MVP: variants seen among roughly 807,000 people sequenced by gnomAD.
MVP encodes the protein major vault protein, also known as lung resistance-related protein.
Under a neutral mutation model 83.5 loss-of-function variants are expected in MVP, and 62 were observed. That is an observed-to-expected ratio of 0.74 (90% confidence interval 0.61 to 0.92). The LOEUF (loss-of-function observed/expected upper bound fraction) is 0.92. MVP is among the 40% of genes least tolerant of loss of function. The pLI, the probability that MVP is intolerant of heterozygous loss-of-function variation, is 0.00. For synonymous variants in MVP, 505 were observed against 504.1 expected (o/e 1.00, Z -0.02); for missense variants, 1,000 against 1,203.4 (o/e 0.83, Z 2.50).
At chr16:29,836,991 C>T in intron 7 of MVP, 33 bp downstream of exon 7, 1 of 1,571,406 alleles carries the variant, frequency 6.4e-7, no homozygotes, top group Non-Finnish European at 8.7e-7. Context: ...GAGGACTGCC[C>T]TGGGAGATGT....
chr16:29,839,161 C>A (rs956007126), intron 7 of MVP, among the ~76,000 whole-genome samples: 2 of 152,160 alleles, frequency 1.3e-5, no homozygotes, highest in African/African-American at 4.8e-5. Context: ...GCACTCCAGC[C>A]TGGGCTGCTG....
At position 29,841,070 on chromosome 16, in the gene MVP, A is replaced by G. The variant is rs2067530697; in HGVS notation, c.1192-526A>G. On this transcript the variant is annotated intron_variant, in intron 8 of 14. Coordinates refer to ENST00000357402, the MANE Select transcript of MVP (RefSeq NM_005115.5). This position sits in a 1 kb window ranked among gnomAD's most constrained non-coding sequence, Gnocchi z 4.7. ...GGGAACAGGAAGGACCTCCTCCCTC[A>G]TGCCCATATCCCGGTGGAATCTTTC... is the stretch of plus-strand genomic sequence containing the variant. 1.3e-5 allele frequency among the ~76,000 whole-genome samples: 2 copies of G among 152,142 alleles called. No individual in the cohort carries two copies. Among genetic ancestry groups the G allele is most frequent in the East Asian group, 3.9e-4 (2 of 5,170 alleles).
intron 3 of MVP, chr16:29,833,422 G>C (rs1452270027): frequency 3.6e-6 from 1 of 275,530 alleles, no homozygotes; most frequent in Non-Finnish European, 7.0e-6. Flanking sequence ...TCAGCCTCCC[G>C]AGTAGCTGGG....
intron 1 of MVP, among the ~76,000 whole-genome samples, chr16:29,827,216 T>C (rs946717470): frequency 6.6e-6 from 1 of 151,968 alleles, no homozygotes; most frequent in African/African-American, 2.4e-5. Context: ...TGAGCAAAAA[T>C]GAGCAACAGA....
In MVP at chr16:29,842,012, C is replaced by T. The variant is rs140949055; in HGVS notation, c.1534C>T (p.Arg512Cys). Residue 512 changes from arginine to cysteine, a missense_variant, in exon 10 of 15, where the codon CGT (arginine) becomes TGT (cysteine). By Grantham distance (180) the Arg-to-Cys change is radical. Transcript: ENST00000357402. ...AGRPKRPHAR[R>C]ALCLLLGPDF... ...GCGGCCCAAGCGTCCCCATGCCCGC[C>T]GTGCGCTCTGCCTGCTGCTGGGGCC... 2.5e-5 allele frequency: 41 copies of T among 1,611,872 alleles called. No homozygotes were observed. Among genetic ancestry groups the T allele is most frequent in the African/African-American group, 2.5e-4 (19 of 75,040 alleles).
chr16:29,833,859 A>G lies in MVP; in HGVS notation c.445+3A>G, dbSNP rs751186139. On this transcript the variant is annotated splice_donor_region_variant and intron_variant, in intron 4 of 14. Transcript: ENST00000357402. Reference sequence around the variant, plus strand: ...TGAGTGGCTTTTCGAGGGACCTGGTAAGTTCTGTCTCCATAGGGCTCCCTG... The same window carrying G: ...TGAGTGGCTTTTCGAGGGACCTGGTGAGTTCTGTCTCCATAGGGCTCCCTG... 6.2e-7 allele frequency: 1 copy of G among 1,613,914 alleles called. No individual in the cohort carries two copies. Among genetic ancestry groups the G allele is most frequent in the Admixed American group, 1.7e-5 (1 of 59,982 alleles).
intron 1 of MVP, 55 bp from the exon 2 acceptor site, chr16:29,830,460 C>T (rs2067432514): frequency 2.0e-6 from 3 of 1,493,880 alleles, no homozygotes; most frequent in Non-Finnish European, 2.7e-6. Flanking sequence ...AGATTCATGC[C>T]TGCCCCACCC....
chr16:29,826,909 G>C (rs2067408472), intron 1 of MVP, among the ~76,000 whole-genome samples: 1 of 147,186 alleles, frequency 6.8e-6, no homozygotes, highest in African/African-American at 2.5e-5. Context: ...CCTGGCGACA[G>C]AGTGAGAGTC....
chr16:29,842,202 TC>T, intron 10 of MVP, 90 bp downstream of exon 10: 1 of 1,358,106 alleles, frequency 7.4e-7, no homozygotes, highest in Non-Finnish European at 1.0e-6. Flanking sequence ...GCCTAGGAGG[TC>T]CAGGCTGCAG....
In MVP at chr16:29,846,287, G is replaced by T; in HGVS notation, c.2265+3G>T. 1 of 1,555,862 alleles carries T rather than the reference G, an allele frequency of 6.4e-7. No individual in the cohort carries two copies. The highest frequency in any genetic ancestry group is 8.7e-7 in the Non-Finnish European group (1 of 1,149,160). On this transcript the variant is annotated splice_donor_region_variant and intron_variant, in intron 13 of 14. Coordinates refer to ENST00000357402, the MANE Select transcript of MVP (RefSeq NM_005115.5). ...CACAGGCCTTGGCCATTGAAACGGTGAGTGGGGGGAGGCATTAAGAAGAGG... is the reference window on the plus strand; with the variant it reads ...CACAGGCCTTGGCCATTGAAACGGTTAGTGGGGGGAGGCATTAAGAAGAGG...
At chr16:29,842,536 C>T (rs1261345894) in intron 10 of MVP, among the ~76,000 whole-genome samples, 2 of 152,106 alleles carry the variant, frequency 1.3e-5, no homozygotes, top group Admixed American at 1.3e-4. Context: ...AACTCCTGAC[C>T]TCAGGTGATC....
intron 1 of MVP, among the ~76,000 whole-genome samples, chr16:29,827,423 G>A (rs1183768104): frequency 6.6e-6 from 1 of 152,126 alleles, no homozygotes; most frequent in Non-Finnish European, 1.5e-5. Context: ...GGGCAGTCTG[G>A]GTTGGAATGG....
chr16:29,843,500 CGGAGGAAGGGAGGAAG>C lies in MVP; in HGVS notation c.1635-955_1635-940del, dbSNP rs1183954984. Among the ~76,000 whole-genome samples, 165 of 47,374 alleles carry C rather than the reference CGGAGGAAGGGAGGAAG, an allele frequency of 3.5e-3. 2 individuals carry two copies. Among genetic ancestry groups the C allele is most frequent in the South Asian group, 9.4e-3 (11 of 1,168 alleles). The allele number at this position is 47,374 out of a possible 152,430, so 31.1% of individuals were successfully genotyped here. A position where few individuals can be genotyped will look rare whatever the true frequency, so the allele number is the denominator to read the frequency against. On this transcript the variant is annotated intron_variant, in intron 10 of 14. Transcript: ENST00000357402. ...ACAGAGACCCACAGAGACCCTGTCT[CGGAGGAAGGGAGGAAG>C]GGAGGAAGGGAGGAAGGGAGGAAGG...
intron 1 of MVP, among the ~76,000 whole-genome samples, chr16:29,823,127 T>C (rs1402893959): frequency 3.5e-4 from 45 of 126,766 alleles, no homozygotes; most frequent in East Asian, 1.0e-3. Context: ...CTTTTCTTTT[T>C]TTTTTTTTTT....
rs1047144166 is a variant in MVP at position 29,841,044 on chromosome 16, A to G, written c.1192-552A>G. 2.6e-5 allele frequency among the ~76,000 whole-genome samples: 4 copies of G among 151,964 alleles called. No homozygotes were observed. The highest frequency in any genetic ancestry group is 9.7e-5 in the African/African-American group (4 of 41,374). ...AGCATAAAGGTCTGATGGGGTGGCC[A>G]GGGAACAGGAAGGACCTCCTCCCTC... On this transcript the variant is annotated intron_variant, in intron 8 of 14. Transcript: ENST00000357402. This position sits in a 1 kb window ranked among gnomAD's most constrained non-coding sequence, Gnocchi z 4.7.
At chr16:29,822,219 G>A (rs1162757506) in intron 1 of MVP, among the ~76,000 whole-genome samples, 4 of 151,850 alleles carry the variant, frequency 2.6e-5, no homozygotes, top group Admixed American at 2.0e-4. Context: ...CTTGCCTCTG[G>A]TGACTGGTGT....
At chr16:29,830,304 T>C (rs2067431473) in intron 1 of MVP, 2 of 416,116 alleles carry the variant, frequency 4.8e-6, no homozygotes, top group Admixed American at 7.9e-5. Flanking sequence ...CATCAAGCAG[T>C]TCTTGGCAAA....
At chr16:29,838,763 T>C (rs1483982441) in intron 7 of MVP, among the ~76,000 whole-genome samples, 1 of 151,930 alleles carries the variant, frequency 6.6e-6, no homozygotes, top group East Asian at 1.9e-4. Context: ...GGAAGTGGAG[T>C]GTATAGTGAG....
intron 1 of MVP, among the ~76,000 whole-genome samples, chr16:29,823,294 A>G (rs943564075): frequency 6.7e-6 from 1 of 150,090 alleles, no homozygotes; most frequent in Non-Finnish European, 1.5e-5. Context: ...CCTAGCTAAT[A>G]TTTTTTATGG....
Sources: gnomAD v4.1 joint callset for allele counts (sites outside exome capture counted in the v4.1 genomes callset) on GRCh38, gnomAD v4.1.1 for gene constraint, Gnocchi (gnomAD v3.1) non-coding constraint, MANE v1.5 for transcripts, NCBI Gene and HGNC (gene_info 2026-07-23, HGNC 2026-07-21) for gene names.